The following FGGY variants were observed in gnomAD, a reference collection of about 807,000 sequenced individuals.
FGGY encodes the protein FGGY carbohydrate kinase domain-containing protein.
In FGGY, 72 loss-of-function variants were observed where a neutral mutation model predicts 71.3. The observed-to-expected ratio is 1.01, with a 90% confidence interval of 0.84 to 1.23. The LOEUF is 1.23. FGGY is among the 50% of genes most tolerant of loss of function. The probability of loss-of-function intolerance (pLI) is 0.00; values close to 1 mark genes in which losing one functional copy is unlikely to be tolerated. For synonymous variants in FGGY, 251 were observed against 250.3 expected, an observed-to-expected ratio of 1.00 and a Z score of -0.02; for missense variants, 668 against 682.3, an observed-to-expected ratio of 0.98 and a Z score of 0.23.
At chr1:59,689,571 C>A (rs977194907) in intron 14 of FGGY, among the ~76,000 whole-genome samples, 1 of 150,738 alleles carries the variant, frequency 6.6e-6, no homozygotes, top group Non-Finnish European at 1.5e-5. Context: ...AAAAAAAAAA[C>A]GTTAAGTCCT....
intron 7 of FGGY, among the ~76,000 whole-genome samples, chr1:59,522,255 G>A (rs868515855): frequency 4.6e-5 from 7 of 152,328 alleles, no homozygotes; most frequent in African/African-American, 7.2e-5. Flanking sequence ...GAGCTCTCCC[G>A]TGTTGACCTG....
At chr1:59,741,861 C>T (rs1463632556) in intron 14 of FGGY, among the ~76,000 whole-genome samples, 1 of 151,050 alleles carries the variant, frequency 6.6e-6, no homozygotes, top group African/African-American at 2.4e-5. Context: ...ATGGCTTGAA[C>T]CCGGAAGGCA....
At chr1:59,651,877 G>C (rs898879296) in intron 11 of FGGY, among the ~76,000 whole-genome samples, 7 of 152,044 alleles carry the variant, frequency 4.6e-5, no homozygotes, top group African/African-American at 1.7e-4. Context: ...ACATGATTTT[G>C]CAGCGGCTGG....
At chr1:59,667,522 A>G in intron 13 of FGGY, 119 bp downstream of exon 13, 1 of 1,249,798 alleles carries the variant, frequency 8.0e-7, no homozygotes, top group South Asian at 1.4e-5. Flanking sequence ...TATTAGAATA[A>G]TCCTGAAGTC....
chr1:59,345,028 C>T (rs768590829), intron 3 of FGGY, among the ~76,000 whole-genome samples: 2 of 152,070 alleles, frequency 1.3e-5, no homozygotes, highest in Non-Finnish European at 2.9e-5. Flanking sequence ...TTGTGCATTT[C>T]CCAGCTGTGA....
intron 5 of FGGY, among the ~76,000 whole-genome samples, chr1:59,444,868 C>T (rs1392582461): frequency 1.3e-5 from 2 of 152,084 alleles, no homozygotes; most frequent in Non-Finnish European, 2.9e-5. Context: ...GGCTGGGGAC[C>T]GCTGGTATAA....
intron 3 of FGGY, among the ~76,000 whole-genome samples, chr1:59,340,470 C>T (rs1212211043): frequency 6.6e-6 from 1 of 152,134 alleles, no homozygotes; most frequent in Non-Finnish European, 1.5e-5. Context: ...GAGCCAAGTC[C>T]TTTGAAAGGA....
chr1:59,729,000 A>G (rs1387528621), intron 14 of FGGY, among the ~76,000 whole-genome samples: 2 of 151,952 alleles, frequency 1.3e-5, no homozygotes, highest in African/African-American at 4.8e-5. Flanking sequence ...TGTTATCTTC[A>G]TATTCTAACC....
chr1:59,647,897 C>G (rs1405114300), intron 11 of FGGY, among the ~76,000 whole-genome samples: 2 of 93,414 alleles, frequency 2.1e-5, no homozygotes, highest in South Asian at 5.1e-4. Context: ...ATCCCTCCCC[C>G]CTCCCCCCAC....
At chr1:59,726,310 C>T (rs1303692012) in intron 14 of FGGY, among the ~76,000 whole-genome samples, 1 of 151,828 alleles carries the variant, frequency 6.6e-6, no homozygotes, top group East Asian at 1.9e-4. Flanking sequence ...TCCTTTTACA[C>T]GTTGTTGGAT....
intron 6 of FGGY, among the ~76,000 whole-genome samples, chr1:59,502,423 A>C (rs532220538): frequency 6.6e-6 from 1 of 152,340 alleles, no homozygotes; most frequent in South Asian, 2.1e-4. Context: ...GCCTTAGGCT[A>C]GGTGAGAACA....
At chr1:59,308,939 C>A (rs2043841645) in intron 1 of FGGY, among the ~76,000 whole-genome samples, 1 of 152,030 alleles carries the variant, frequency 6.6e-6, no homozygotes, top group African/African-American at 2.4e-5. Context: ...TAGAAGTCCC[C>A]TATTAATAAT....
chr1:59,637,615 AG>A (rs1489242254), intron 10 of FGGY, among the ~76,000 whole-genome samples: 1 of 152,208 alleles, frequency 6.6e-6, no homozygotes, highest in Non-Finnish European at 1.5e-5. Flanking sequence ...AAAAAGAAAA[AG>A]AAAAAACGTA....
At chr1:59,706,324 C>T (rs1180698800) in intron 14 of FGGY, among the ~76,000 whole-genome samples, 1 of 152,172 alleles carries the variant, frequency 6.6e-6, no homozygotes, top group Admixed American at 6.5e-5. Context: ...AGGCCTGGAG[C>T]AAGTTTCTTA....
rs548654586 is a variant in FGGY, at chr1:59,508,657, A to G, written c.671-3654A>G. Among the ~76,000 whole-genome samples, 18 of 152,298 alleles carry G rather than the reference A, an allele frequency of 1.2e-4. No homozygotes were observed. In the South Asian group the frequency reaches 3.7e-3, roughly 32 times the overall value. On this transcript the variant is annotated intron_variant, in intron 6 of 15. Transcript: ENST00000303721. ...ATTTCTATCATCCTCTCTCATGCCAAGCTGTTTCATTTTGGTCTCTAAATA... is the reference window on the plus strand; with the variant it reads ...ATTTCTATCATCCTCTCTCATGCCAGGCTGTTTCATTTTGGTCTCTAAATA...
At chr1:59,528,989 G>GATGATT in intron 7 of FGGY, among the ~76,000 whole-genome samples, 1 of 152,332 alleles carries the variant, frequency 6.6e-6, no homozygotes, top group Middle Eastern at 3.4e-3. Flanking sequence ...CACCTAAATA[G>GATGATT]ATGATTATAT....
chr1:59,336,443 C>A, intron 2 of FGGY, among the ~76,000 whole-genome samples: 1 of 148,670 alleles, frequency 6.7e-6, no homozygotes. Context: ...TCAGTTTCTA[C>A]AAATAAGTAG....
intron 6 of FGGY, among the ~76,000 whole-genome samples, chr1:59,481,276 G>A (rs1228089529): frequency 1.3e-5 from 2 of 152,074 alleles, no homozygotes; most frequent in Non-Finnish European, 2.9e-5. Context: ...TAGAATGTTA[G>A]TACTTAGAAA....
intron 14 of FGGY, among the ~76,000 whole-genome samples, chr1:59,723,554 GTT>G (rs563147278): frequency 8.6e-5 from 7 of 81,790 alleles, no homozygotes; most frequent in African/African-American, 2.5e-4. Flanking sequence ...GCATTTTCTT[GTT>G]TTTTTTTGGG....
Sources: allele counts gnomAD v4.1 joint callset (sites outside exome capture counted in the v4.1 genomes callset), GRCh38; gene constraint gnomAD v4.1.1; transcripts MANE v1.5; gene names NCBI Gene and HGNC (gene_info 2026-07-23, HGNC 2026-07-21).